ARID4A: variants seen among roughly 807,000 people sequenced by gnomAD.
The protein encoded by ARID4A is AT-rich interactive domain-containing protein 4A.
In ARID4A, 39 loss-of-function variants were observed where a neutral mutation model predicts 148.6. The observed-to-expected ratio is 0.26, with a 90% CI of 0.20 to 0.34. The LOEUF is 0.34. Ranked by LOEUF, ARID4A falls within the 10% of genes least tolerant of loss-of-function variation. The pLI, the probability that ARID4A is intolerant of heterozygous loss-of-function variation, is 1.00. For synonymous variants in ARID4A, 475 were observed against 481.2 expected (o/e 0.99, Z 0.17); for missense variants, 1,265 against 1,449.1 (o/e 0.87, Z 2.06).
chr14:58,302,748 A>G (rs1214649985), intron 3 of ARID4A, among the ~76,000 whole-genome samples: 3 of 151,928 alleles, frequency 2.0e-5, no homozygotes, highest in Non-Finnish European at 2.9e-5. Context: ...GAGCCAAGGA[A>G]TTCAAGACCA....
At chr14:58,326,229 A>G (rs909489209) in intron 8 of ARID4A, among the ~76,000 whole-genome samples, 5 of 152,162 alleles carry the variant, frequency 3.3e-5, no homozygotes, top group Non-Finnish European at 7.4e-5. Context: ...CGAGGTCAGG[A>G]GATCGAGACC....
chr14:58,352,347 A>G (rs1264815406), intron 16 of ARID4A, among the ~76,000 whole-genome samples: 1 of 152,194 alleles, frequency 6.6e-6, no homozygotes, highest in Non-Finnish European at 1.5e-5. Flanking sequence ...GATTAGGAAA[A>G]GTAGGAGGAA....
intron 3 of ARID4A, chr14:58,303,453 G>T (rs537496913): frequency 2.0e-4 from 89 of 452,144 alleles, no homozygotes; most frequent in Admixed American, 6.2e-4. Context: ...TACTGTGCCA[G>T]TCATAAAATT....
intron 5 of ARID4A, among the ~76,000 whole-genome samples, chr14:58,315,670 A>C (rs1452348225): frequency 2.0e-5 from 3 of 152,202 alleles, no homozygotes; most frequent in African/African-American, 7.2e-5. Flanking sequence ...GTTTGTGATA[A>C]TTTAATGATT....
At chr14:58,300,645 G>A (rs1594855228) in intron 2 of ARID4A, among the ~76,000 whole-genome samples, 1 of 151,806 alleles carries the variant, frequency 6.6e-6, no homozygotes, top group South Asian at 2.1e-4. Flanking sequence ...CTATTTTCTC[G>A]AAGTAAATGA....
In ARID4A at chr14:58,351,209, A is replaced by C; in HGVS notation, c.1541A>C (p.Glu514Ala). Residue 514 changes from glutamate (E) to alanine (A), a missense_variant, in exon 16 of 24, where the codon GAA (glutamate) becomes GCA (alanine). Coordinates refer to ENST00000355431, the MANE Select transcript of ARID4A (RefSeq NM_002892.4). ...GACTATGAAACTGCAGAGAAAAAAG[A>C]AAATGAGCTACTACTGGGGAGAAAA... Reference protein sequence around the residue: ...DDDYETAEKKENELLLGRKNT... With the variant: ...DDDYETAEKKANELLLGRKNT... 1 of 1,613,202 alleles carries C rather than the reference A, an allele frequency of 6.2e-7. No homozygotes were observed.
In ARID4A at chr14:58,364,460, A is replaced by G. The variant is rs1213772333; in HGVS notation, c.2371A>G (p.Lys791Glu). The G allele has an allele frequency of 6.2e-7, 1 of 1,613,322 alleles. No individual in the cohort carries two copies. Among genetic ancestry groups the G allele is most frequent in the South Asian group, 1.1e-5 (1 of 90,860 alleles). Residue 791 changes from lysine (K) to glutamate (E), a missense_variant, in exon 20 of 24, where the codon AAA becomes GAA. Lys to Glu is a moderately conservative substitution (Grantham distance 56). This residue lies in a region of ARID4A where 666 missense variants were observed against 730.9 expected (regional missense o/e 0.91). Transcript: ENST00000355431. ...EVKKEAEKSP[K>E]GKGRRSKTKD... Reference sequence around the variant, plus strand: ...TAAGAAAGAAGCCGAAAAATCTCCAAAAGGAAAGGGAAGACGAAGCAAGAC... The same window carrying G: ...TAAGAAAGAAGCCGAAAAATCTCCAGAAGGAAAGGGAAGACGAAGCAAGAC...
At chr14:58,354,344 A>T (rs547962900) in intron 17 of ARID4A, among the ~76,000 whole-genome samples, 12 of 152,324 alleles carry the variant, frequency 7.9e-5, no homozygotes, top group African/African-American at 2.9e-4. Context: ...AATAAAAAAG[A>T]ACGTTAGAAC....
chr14:58,307,329 C>T (rs189718891), intron 5 of ARID4A, among the ~76,000 whole-genome samples: 1 of 152,314 alleles, frequency 6.6e-6, no homozygotes, highest in East Asian at 1.9e-4. Context: ...AAGAACTATG[C>T]TTTGGTTAAA....
rs551165082 is a variant in ARID4A at position 58,363,305 on chromosome 14, T to G, written c.2081-865T>G. On this transcript the variant is annotated intron_variant, in intron 19 of 23. Transcript: ENST00000355431. ...CCTATACAGTCTTAGAACCCTACTT[T>G]ACTATTTTACAAGTTCCCTTACAGG... is the stretch of plus-strand genomic sequence containing the variant. Among the ~76,000 whole-genome samples the G allele has an allele frequency of 1.4e-4, 21 of 152,382 alleles. No individual in the cohort carries two copies. The South Asian group carries it at 4.1e-3, about 30-fold the overall frequency.
At chr14:58,321,647 G>T (rs1420135129) in intron 7 of ARID4A, among the ~76,000 whole-genome samples, 1 of 152,108 alleles carries the variant, frequency 6.6e-6, no homozygotes, top group Non-Finnish European at 1.5e-5. Flanking sequence ...ACTCACTGCT[G>T]CTGGGGAGTA....
rs2030776377 is a variant in ARID4A at position 58,298,670 on chromosome 14, G to C, written c.-88G>C. 1 of 152,748 alleles carries C rather than the reference G, an allele frequency of 6.5e-6. No homozygotes were observed. Among genetic ancestry groups the C allele is most frequent in the Middle Eastern group, 3.1e-3 (1 of 320 alleles). The allele number at this position is 152,748 out of a possible 1,614,324, so 9.5% of individuals were successfully genotyped here. On this transcript the variant is annotated 5_prime_UTR_variant, in exon 1 of 24. Transcript: ENST00000355431. ...GAGGTCAGAGGGGAGGAGGACTCTG[G>C]AGCTGACAGCGCGCACTTCACCCGC...
chr14:58,373,012 T>C lies in ARID4A; in HGVS notation c.*1023T>C. 1 of 195,564 alleles carries C rather than the reference T, an allele frequency of 5.1e-6. No homozygotes were observed. The highest frequency in any genetic ancestry group is 8.0e-5 in the East Asian group (1 of 12,504). The allele number at this position is 195,564 out of a possible 1,614,324, so 12.1% of individuals were successfully genotyped here. On this transcript the variant is annotated 3_prime_UTR_variant, in exon 24 of 24. Coordinates refer to ENST00000355431, the MANE Select transcript of ARID4A (RefSeq NM_002892.4). ...GGAGGTTGCATCCTGCAGCCTTGCC[T>C]GTGTTAAAGGGAGTCTGTCTCAGTC...
At chr14:58,321,276 A>G (rs1256060941) in intron 7 of ARID4A, among the ~76,000 whole-genome samples, 1 of 152,228 alleles carries the variant, frequency 6.6e-6, no homozygotes, top group Admixed American at 6.5e-5. Flanking sequence ...TACTATTATG[A>G]TAGCAAAATG....
intron 20 of ARID4A, 25 bp downstream of exon 20, chr14:58,365,325 A>G (rs747341402): frequency 6.9e-6 from 11 of 1,583,260 alleles, no homozygotes; most frequent in Non-Finnish European, 9.4e-6. Flanking sequence ...GGGAAAAGTA[A>G]GTGTTTATAT....
rs370071297 is a variant in ARID4A, at chr14:58,366,524, G to A, written c.3523+294G>A. Among the ~76,000 whole-genome samples the A allele has an allele frequency of 2.6e-5, 4 of 152,218 alleles. 1 individual carries two copies. ...TTTGTAGCACTAACAATTAGAAATA[G>A]CCAGTAGTTATTTCTATTATGTAAC... On this transcript the variant is annotated intron_variant, in intron 22 of 23. Transcript: ENST00000355431.
At chr14:58,355,414 A>G (rs1302132533) in intron 17 of ARID4A, among the ~76,000 whole-genome samples, 1 of 152,228 alleles carries the variant, frequency 6.6e-6, no homozygotes, top group Non-Finnish European at 1.5e-5. Context: ...ATACATACCT[A>G]CAATAAAGTT....
chr14:58,318,624 A>G lies in ARID4A; in HGVS notation c.354+3A>G. The G allele has an allele frequency of 1.2e-6, 2 of 1,614,168 alleles. No homozygotes were observed. On this transcript the variant is annotated splice_donor_region_variant and intron_variant, in intron 6 of 23. Coordinates refer to ENST00000355431, the MANE Select transcript of ARID4A (RefSeq NM_002892.4). ...AGAGACATTTTGCAGAGAGTGAGGT[A>G]GGGTGACACGGATGGACGATTTGGA...
chr14:58,333,422 TG>T (rs2033639706), intron 11 of ARID4A, among the ~76,000 whole-genome samples: 1 of 152,110 alleles, frequency 6.6e-6, no homozygotes, highest in South Asian at 2.1e-4. Context: ...AATAAATGGA[TG>T]GTTGTTTAGA....
Sources: gnomAD v4.1 joint callset for allele counts (sites outside exome capture counted in the v4.1 genomes callset) on GRCh38, gnomAD v4.1.1 for gene constraint, gnomAD v4.1.1 regional missense constraint, MANE v1.5 for transcripts, NCBI Gene and HGNC (gene_info 2026-07-23, HGNC 2026-07-21) for gene names.